ULK4: variants seen among roughly 807,000 people sequenced by gnomAD.
ULK4 encodes inactive serine/threonine-protein kinase ULK4.
Under a neutral mutation model 160.6 loss-of-function variants are expected in ULK4, and 133 were observed. The ratio of observed to expected loss-of-function variants is 0.83; its 90% CI spans 0.72 to 0.96. ULK4 has a LOEUF of 0.96. Among genes scored for constraint, ULK4 ranks in the 40% least tolerant of loss-of-function variants. The pLI is 0.00. For synonymous variants in ULK4, 534 were observed against 539.8 expected (o/e 0.99, Z 0.15); for missense variants, 1,580 against 1,499.5 (o/e 1.05, Z -0.89).
At chr3:41,834,549 A>C (rs890396139) in intron 18 of ULK4, among the ~76,000 whole-genome samples, 1 of 152,252 alleles carries the variant, frequency 6.6e-6, no homozygotes, top group Non-Finnish European at 1.5e-5. Context: ...ACACTCACAA[A>C]AACAAAGAAT....
At chr3:41,255,693 T>G (rs1406158416) in intron 35 of ULK4, among the ~76,000 whole-genome samples, 2 of 141,638 alleles carry the variant, frequency 1.4e-5, no homozygotes, top group African/African-American at 4.9e-5. Flanking sequence ...TAAATTTGTG[T>G]GCTCCTGATC....
At chr3:41,929,571 T>C (rs960913506) in intron 5 of ULK4, among the ~76,000 whole-genome samples, 2 of 152,166 alleles carry the variant, frequency 1.3e-5, no homozygotes, top group East Asian at 1.9e-4. Flanking sequence ...GATGACATGA[T>C]TGTATATTTA....
intron 30 of ULK4, among the ~76,000 whole-genome samples, chr3:41,663,182 T>C (rs995367243): frequency 3.3e-5 from 5 of 151,716 alleles, no homozygotes; most frequent in East Asian, 3.9e-4. Flanking sequence ...GATCACACCA[T>C]TGCACTACAG....
intron 17 of ULK4, among the ~76,000 whole-genome samples, chr3:41,873,576 T>C (rs796409007): frequency 9.2e-5 from 14 of 152,304 alleles, no homozygotes; most frequent in African/African-American, 3.1e-4. Flanking sequence ...GTTTTCGAGA[T>C]GGAGTCTCAC....
chr3:41,259,590 C>T (rs377662826), intron 35 of ULK4, among the ~76,000 whole-genome samples: 11 of 152,150 alleles, frequency 7.2e-5, no homozygotes, highest in South Asian at 4.1e-4. Context: ...TTTCTATCAC[C>T]GTGGCACATC....
intron 19 of ULK4, among the ~76,000 whole-genome samples, chr3:41,808,132 G>C (rs1480629367): frequency 6.6e-6 from 1 of 152,110 alleles, no homozygotes. Flanking sequence ...TTTGCCCACA[G>C]AGATAAGCTG....
chr3:41,849,807 T>G (rs2042164496), intron 17 of ULK4, among the ~76,000 whole-genome samples: 1 of 152,180 alleles, frequency 6.6e-6, no homozygotes. Flanking sequence ...AAACTACATT[T>G]TTTTAAAGAA....
At chr3:41,379,483 A>C (rs2081598483) in intron 35 of ULK4, among the ~76,000 whole-genome samples, 1 of 152,208 alleles carries the variant, frequency 6.6e-6, no homozygotes, top group South Asian at 2.1e-4. Context: ...AATGGTGTTG[A>C]AAAAGACTAA....
intron 35 of ULK4, among the ~76,000 whole-genome samples, chr3:41,369,793 C>CAAAAA (rs555783980): frequency 5.9e-4 from 58 of 98,054 alleles, no homozygotes; most frequent in African/African-American, 2.0e-3. Flanking sequence ...GACTATGTCT[C>CAAAAA]AAAAAAAAAA....
At chr3:41,914,345 G>A (rs538451638) in intron 8 of ULK4, among the ~76,000 whole-genome samples, 2 of 152,248 alleles carry the variant, frequency 1.3e-5, no homozygotes, top group South Asian at 4.1e-4. Flanking sequence ...TTCACTAAAG[G>A]AGAAATAAAA....
intron 35 of ULK4, among the ~76,000 whole-genome samples, chr3:41,339,456 A>G (rs1049269893): frequency 6.6e-6 from 1 of 152,054 alleles, no homozygotes; most frequent in African/African-American, 2.4e-5. Flanking sequence ...GGATGAAGCC[A>G]CCCTCCACAT....
At chr3:41,825,221 G>A (rs1436658542) in intron 18 of ULK4, among the ~76,000 whole-genome samples, 4 of 152,090 alleles carry the variant, frequency 2.6e-5, no homozygotes, top group African/African-American at 7.3e-5. Context: ...AAAAAACAGA[G>A]CAGAAAAACT....
chr3:41,898,560 C>T (rs1698247008), intron 13 of ULK4, 68 bp from the exon 14 acceptor site: 3 of 914,312 alleles, frequency 3.3e-6, no homozygotes, highest in Non-Finnish European at 5.1e-6. Flanking sequence ...CCTTATATGT[C>T]CCTTATGTCA....
intron 32 of ULK4, among the ~76,000 whole-genome samples, chr3:41,503,786 A>G (rs548145851): frequency 2.5e-4 from 38 of 152,312 alleles, no homozygotes; most frequent in African/African-American, 8.4e-4. Context: ...AAAATGATAT[A>G]AAACAATACT....
At chr3:41,619,342 G>T (rs939131231) in intron 30 of ULK4, among the ~76,000 whole-genome samples, 3 of 152,064 alleles carry the variant, frequency 2.0e-5, no homozygotes, top group Non-Finnish European at 4.4e-5. Flanking sequence ...GTGCCACATA[G>T]CATGTATTTT....
intron 31 of ULK4, among the ~76,000 whole-genome samples, chr3:41,572,842 A>G (rs1256894493): frequency 6.6e-6 from 1 of 152,064 alleles, no homozygotes; most frequent in Non-Finnish European, 1.5e-5. Flanking sequence ...CGAAAGAATG[A>G]GCATATTGCC....
intron 27 of ULK4, among the ~76,000 whole-genome samples, chr3:41,701,536 T>G (rs745520104): frequency 1.3e-5 from 2 of 152,202 alleles, no homozygotes; most frequent in East Asian, 3.8e-4. Context: ...ATCAGACAGA[T>G]AGTTTGCCAC....
intron 25 of ULK4, among the ~76,000 whole-genome samples, chr3:41,713,482 A>T (rs1393736467): frequency 6.6e-6 from 1 of 152,208 alleles, no homozygotes; most frequent in African/African-American, 2.4e-5. Context: ...GCCAACAAAC[A>T]AACACAATAA....
chr3:41,825,482 T>G (rs1262457436), intron 18 of ULK4, among the ~76,000 whole-genome samples: 1 of 152,186 alleles, frequency 6.6e-6, no homozygotes, highest in Non-Finnish European at 1.5e-5. Context: ...CTGATGGAGC[T>G]GAAAACCATG....
Sources: gnomAD v4.1 joint callset for allele counts (sites outside exome capture counted in the v4.1 genomes callset) on GRCh38, gnomAD v4.1.1 for gene constraint, MANE v1.5 for transcripts, NCBI Gene and HGNC (gene_info 2026-07-23, HGNC 2026-07-21) for gene names.